Variants in FHOD3 observed in about 807,000 individuals in gnomAD.
FHOD3 encodes formin homology 2 domain containing 3.
FHOD3 carries 90 observed loss-of-function variants against 173.0 expected under a neutral mutation model. The ratio of observed to expected loss-of-function variants is 0.52; its 90% confidence interval spans 0.44 to 0.62. FHOD3 has a LOEUF of 0.62. Among genes scored for constraint, FHOD3 ranks in the 20% least tolerant of loss-of-function variants. FHOD3 has a pLI of 0.00. For missense variants in FHOD3, 1,945 were observed against 2,034.7 expected (o/e 0.96, Z 0.85); for synonymous variants, 828 against 823.0 (o/e 1.01, Z -0.10).
At chr18:36,540,721 G>A (rs895176747) in intron 5 of FHOD3, among the ~76,000 whole-genome samples, 2 of 152,122 alleles carry the variant, frequency 1.3e-5, no homozygotes, top group Non-Finnish European at 2.9e-5. Context: ...TGTGATTCAA[G>A]GAAGAAGGTG....
At chr18:36,761,652 C>T (rs2042885330) in intron 27 of FHOD3, among the ~76,000 whole-genome samples, 1 of 152,156 alleles carries the variant, frequency 6.6e-6, no homozygotes, top group Non-Finnish European at 1.5e-5. Flanking sequence ...TTCCCATTCA[C>T]CTCATCCTCT....
intron 3 of FHOD3, among the ~76,000 whole-genome samples, chr18:36,463,058 T>C (rs1033275068): frequency 6.6e-6 from 1 of 152,132 alleles, no homozygotes; most frequent in African/African-American, 2.4e-5. Flanking sequence ...TCTCCAGTTG[T>C]ATACCAACCC....
chr18:36,747,517 T>C (rs540660497), intron 24 of FHOD3, among the ~76,000 whole-genome samples: 2 of 152,242 alleles, frequency 1.3e-5, no homozygotes, highest in South Asian at 2.1e-4. Flanking sequence ...CTCCTTTACC[T>C]GATCTGCAGC....
chr18:36,549,767 C>T (rs1334317780), intron 5 of FHOD3, among the ~76,000 whole-genome samples: 2 of 147,014 alleles, frequency 1.4e-5, no homozygotes, highest in Non-Finnish European at 3.0e-5. Context: ...CCAGGATGGT[C>T]TCGATCTCCT....
At chr18:36,407,162 A>G (rs1189658679) in intron 3 of FHOD3, among the ~76,000 whole-genome samples, 3 of 152,146 alleles carry the variant, frequency 2.0e-5, no homozygotes, top group Non-Finnish European at 4.4e-5. Flanking sequence ...TCCCCACCAC[A>G]TAGGAATGTG....
chr18:36,633,666 C>A (rs925728129), intron 10 of FHOD3, among the ~76,000 whole-genome samples: 5 of 152,114 alleles, frequency 3.3e-5, no homozygotes, highest in African/African-American at 4.8e-5. Context: ...GCACTCAGAA[C>A]CTAACATACC....
At chr18:36,449,048 A>G (rs376175489) in intron 3 of FHOD3, among the ~76,000 whole-genome samples, 6 of 152,016 alleles carry the variant, frequency 3.9e-5, no homozygotes, top group African/African-American at 9.7e-5. Context: ...ATGCTTCACA[A>G]TGGTATTTGC....
chr18:36,507,365 A>C (rs1363652141), intron 4 of FHOD3, among the ~76,000 whole-genome samples: 1 of 152,230 alleles, frequency 6.6e-6, no homozygotes, highest in African/African-American at 2.4e-5. Flanking sequence ...AATGAATCTC[A>C]TGTGCAGACT....
intron 3 of FHOD3, among the ~76,000 whole-genome samples, chr18:36,449,264 A>G (rs1331944522): frequency 6.6e-6 from 1 of 151,696 alleles, no homozygotes; most frequent in African/African-American, 2.4e-5. Context: ...GATAATTGAA[A>G]TGGTACATAT....
chr18:36,318,387 A>T (rs193182009), intron 1 of FHOD3, among the ~76,000 whole-genome samples: 79 of 151,958 alleles, frequency 5.2e-4, no homozygotes, highest in African/African-American at 1.8e-3. Flanking sequence ...TTGTTTGTGT[A>T]CTCTTTTATT....
At chr18:36,649,177 TG>T in intron 10 of FHOD3, 138 bp from the exon 11 acceptor site, 1 of 557,382 alleles carries the variant, frequency 1.8e-6, no homozygotes, top group Non-Finnish European at 3.0e-6. Flanking sequence ...GCCAGCTGGG[TG>T]GTTTTTTTTT....
chr18:36,561,367 C>T (rs1455527436), intron 5 of FHOD3, among the ~76,000 whole-genome samples: 1 of 152,124 alleles, frequency 6.6e-6, no homozygotes, highest in Non-Finnish European at 1.5e-5. Context: ...TCAGCCTTGT[C>T]ACATGGGTCA....
intron 10 of FHOD3, among the ~76,000 whole-genome samples, chr18:36,641,270 T>C (rs767345113): frequency 6.6e-6 from 1 of 152,086 alleles, no homozygotes; most frequent in Non-Finnish European, 1.5e-5. Context: ...GCCCTTGATG[T>C]TGGGTGGAAG....
intron 10 of FHOD3, among the ~76,000 whole-genome samples, chr18:36,637,515 CA>C (rs1328988208): frequency 6.6e-6 from 1 of 152,200 alleles, no homozygotes; most frequent in Non-Finnish European, 1.5e-5. Context: ...CTCAGCCTCC[CA>C]AAGTGCTGGG....
intron 5 of FHOD3, among the ~76,000 whole-genome samples, chr18:36,559,229 C>T (rs1041729022): frequency 6.6e-6 from 1 of 152,144 alleles, no homozygotes; most frequent in South Asian, 2.1e-4. Flanking sequence ...AACTGTCCAG[C>T]GTTTGATCAC....
At chr18:36,616,283 G>T (rs933329607) in intron 9 of FHOD3, among the ~76,000 whole-genome samples, 1 of 152,170 alleles carries the variant, frequency 6.6e-6, no homozygotes, top group African/African-American at 2.4e-5. Flanking sequence ...GGGCTCAGAT[G>T]ACCACAGATT....
chr18:36,402,691 G>T (rs1400197951), intron 3 of FHOD3, among the ~76,000 whole-genome samples: 1 of 152,110 alleles, frequency 6.6e-6, no homozygotes, highest in African/African-American at 2.4e-5. Flanking sequence ...ATGTGACATT[G>T]TGTGATCCGT....
intron 3 of FHOD3, among the ~76,000 whole-genome samples, chr18:36,498,343 T>C (rs2054851029): frequency 6.6e-6 from 1 of 152,038 alleles, no homozygotes; most frequent in African/African-American, 2.4e-5. Flanking sequence ...AATAATGAAA[T>C]AGAAATCAGA....
At chr18:36,726,186 A>T (rs1267140297) in intron 19 of FHOD3, among the ~76,000 whole-genome samples, 3 of 151,254 alleles carry the variant, frequency 2.0e-5, no homozygotes, top group African/African-American at 7.3e-5. Flanking sequence ...AATATATATA[A>T]TTAGATAAGA....
Sources: allele counts gnomAD v4.1 joint callset (sites outside exome capture counted in the v4.1 genomes callset), GRCh38; gene constraint gnomAD v4.1.1; transcripts MANE v1.5; gene names NCBI Gene and HGNC (gene_info 2026-07-23, HGNC 2026-07-21).